The following IFI16 variants were observed in gnomAD, a reference collection of about 807,000 sequenced individuals.
IFI16 encodes the protein interferon gamma inducible protein 16.
In IFI16, 49 loss-of-function variants were observed where a neutral mutation model predicts 68.4. That is an observed-to-expected ratio of 0.72 (90% CI 0.57 to 0.91). The LOEUF (loss-of-function observed/expected upper bound fraction) is 0.91, where lower values mean the gene tolerates loss of function less well. Among genes scored for constraint, IFI16 ranks in the 40% least tolerant of loss-of-function variants. The pLI, the probability that IFI16 is intolerant of heterozygous loss-of-function variation, is 0.00. For synonymous variants in IFI16, 307 were observed against 315.0 expected (o/e 0.97, Z 0.27); for missense variants, 878 against 942.9 (o/e 0.93, Z 0.90).
intron 6 of IFI16, among the ~76,000 whole-genome samples, chr1:159,020,845 T>TTG (rs1653265992): frequency 4.4e-5 from 2 of 45,566 alleles, no homozygotes; most frequent in Admixed American, 3.6e-4. Flanking sequence ...TTAGAAAACG[T>TTG]CGTGTGTGTG....
upstream of IFI16, among the ~76,000 whole-genome samples, chr1:159,006,767 G>T (rs1652275800): frequency 4.6e-5 from 7 of 152,164 alleles, no homozygotes; most frequent in Admixed American, 4.6e-4. Context: ...GTCCAGCAGG[G>T]CGTTTTCCCG....
chr1:159,029,604 T>A (rs1653876930), intron 6 of IFI16, among the ~76,000 whole-genome samples: 1 of 152,126 alleles, frequency 6.6e-6, no homozygotes, highest in Non-Finnish European at 1.5e-5. Flanking sequence ...AGATTTGTCT[T>A]CTTCCTCGGG....
intron 7 of IFI16, among the ~76,000 whole-genome samples, chr1:159,035,754 G>C (rs974434798): frequency 2.0e-4 from 1 of 5,028 alleles, no homozygotes; most frequent in Non-Finnish European, 2.2e-3. Flanking sequence ...TCTTATCATT[G>C]ATTTTTTTTT....
chr1:159,035,316 CA>C (rs978615435), intron 7 of IFI16, among the ~76,000 whole-genome samples: 1 of 152,220 alleles, frequency 6.6e-6, no homozygotes, highest in African/African-American at 2.4e-5. Context: ...CTTGCTCAGT[CA>C]TTGCAACCTA....
At chr1:159,044,850 T>C (rs1654883580) in intron 7 of IFI16, among the ~76,000 whole-genome samples, 1 of 152,132 alleles carries the variant, frequency 6.6e-6, no homozygotes, top group Non-Finnish European at 1.5e-5. Context: ...CAGAGATCCC[T>C]AAAGGATGGA....
intron 9 of IFI16, 81 bp downstream of exon 9, chr1:159,049,680 C>G (rs746013544): frequency 5.2e-6 from 8 of 1,551,862 alleles, no homozygotes; most frequent in African/African-American, 2.7e-5. Flanking sequence ...AGCACCTCAC[C>G]AATCCCCTAC....
chr1:159,042,910 C>G (rs917513842), intron 7 of IFI16, among the ~76,000 whole-genome samples: 1 of 152,142 alleles, frequency 6.6e-6, no homozygotes, highest in Non-Finnish European at 1.5e-5. Flanking sequence ...GGCAAATGGG[C>G]AGGGAAGGTA....
At chr1:159,030,881 G>GT (rs1553209159) in intron 6 of IFI16, among the ~76,000 whole-genome samples, 9 of 147,182 alleles carry the variant, frequency 6.1e-5, no homozygotes, top group African/African-American at 2.3e-4. Context: ...GTGGGTGGGG[G>GT]GGCCACAGAG....
chr1:159,020,430 C>G lies in IFI16; in HGVS notation c.1062C>G (p.Ile354Met), dbSNP rs1216786050. Residue 354 changes from isoleucine (I) to methionine (M), a missense_variant, in exon 6 of 12, where the codon ATC becomes ATG. By Grantham distance (10) the Ile-to-Met change is conservative (BLOSUM62 1). This residue lies in a region of IFI16 where 443 missense variants were observed against 421.8 expected (regional missense o/e 1.05). Transcript: ENST00000295809. ...DVVGTGQCHN[I>M]PCEEGDKLQL... The stretch of plus-strand genomic sequence containing the variant: ...TGGGGACAGGACAATGTCACAATAT[C>G]CCCTGTGAAGAAGGAGATAAGCTCC... 1 of 1,611,450 alleles carries G rather than the reference C, an allele frequency of 6.2e-7. No individual in the cohort carries two copies. Among genetic ancestry groups the G allele is most frequent in the Non-Finnish European group, 8.5e-7 (1 of 1,177,848 alleles).
intron 7 of IFI16, among the ~76,000 whole-genome samples, chr1:159,037,543 A>G (rs1019146592): frequency 7.2e-5 from 11 of 152,214 alleles, no homozygotes; most frequent in Non-Finnish European, 1.6e-4. Context: ...CTGAATCATG[A>G]TCGGGTATGG....
chr1:159,008,652 G>C (rs899282419), upstream of IFI16, among the ~76,000 whole-genome samples: 2 of 152,054 alleles, frequency 1.3e-5, no homozygotes, highest in Non-Finnish European at 1.5e-5. Flanking sequence ...TCTACCTACT[G>C]CCTTAAGGCC....
chr1:159,016,253 A>G (rs1652916501), intron 3 of IFI16, among the ~76,000 whole-genome samples: 1 of 152,210 alleles, frequency 6.6e-6, no homozygotes, highest in African/African-American at 2.4e-5. Context: ...TCAGGTAAGT[A>G]CTTTGTCCAT....
chr1:159,004,502 T>A (rs79675666), upstream of IFI16, among the ~76,000 whole-genome samples: 2 of 152,236 alleles, frequency 1.3e-5, no homozygotes, highest in African/African-American at 4.8e-5. Context: ...ATCAGGAGTT[T>A]GAGACCAGCC....
chr1:159,021,604 C>T (rs1653316802), intron 6 of IFI16, among the ~76,000 whole-genome samples: 1 of 152,148 alleles, frequency 6.6e-6, no homozygotes, highest in Non-Finnish European at 1.5e-5. Context: ...TTCTTTTCCT[C>T]TGGGTAGATA....
chr1:159,053,315 C>A, intron 10 of IFI16: 1 of 379,664 alleles, frequency 2.6e-6, no homozygotes, highest in South Asian at 8.7e-5. Context: ...AGAAAAAATC[C>A]AGCAGACAAA....
intron 7 of IFI16, 39 bp from the exon 8 acceptor site, chr1:159,045,258 T>G (rs910792602): frequency 1.0e-6 from 1 of 975,332 alleles, no homozygotes. Context: ...TTGAAAAACA[T>G]TAACTAGAAA....
intron 6 of IFI16, among the ~76,000 whole-genome samples, chr1:159,021,747 C>T (rs1381617322): frequency 1.3e-5 from 2 of 152,134 alleles, no homozygotes; most frequent in Non-Finnish European, 2.9e-5. Context: ...CTTTTCACCA[C>T]ATCGATGCCA....
upstream of IFI16, chr1:159,009,867 A>G (rs1314373519): frequency 6.6e-6 from 1 of 152,196 alleles, no homozygotes. Context: ...CGAAAGCTAA[A>G]AACACTGGTG....
chr1:159,042,603 A>G (rs1654724831), intron 7 of IFI16, among the ~76,000 whole-genome samples: 1 of 152,156 alleles, frequency 6.6e-6, no homozygotes, highest in South Asian at 2.1e-4. Context: ...TTCCTTGAGC[A>G]AGTTCTCACT....
Sources: gnomAD v4.1 joint callset for allele counts (sites outside exome capture counted in the v4.1 genomes callset) on GRCh38, gnomAD v4.1.1 for gene constraint, gnomAD v4.1.1 regional missense constraint, MANE v1.5 for transcripts, NCBI Gene and HGNC (gene_info 2026-07-23, HGNC 2026-07-21) for gene names.